KLHL32: variants seen among roughly 807,000 people sequenced by gnomAD.
KLHL32 encodes kelch like family member 32, also known as kelch-like protein 32.
Under a neutral mutation model 64.8 loss-of-function variants are expected in KLHL32, and 35 were observed. The observed-to-expected ratio is 0.54, with a 90% confidence interval of 0.41 to 0.72. KLHL32 has a LOEUF of 0.72. Among genes scored for constraint, KLHL32 ranks in the 30% least tolerant of loss-of-function variants. KLHL32 has a pLI of 0.00. For missense variants in KLHL32, 589 were observed against 768.5 expected (o/e 0.77, Z 2.76); for synonymous variants, 259 against 281.0 (o/e 0.92, Z 0.78).
chr6:96,972,903 A>G (rs1005527443), intron 2 of KLHL32, among the ~76,000 whole-genome samples: 13 of 152,212 alleles, frequency 8.5e-5, no homozygotes, highest in African/African-American at 3.1e-4. Flanking sequence ...GCTCCCTTCC[A>G]GCTATGTTCT....
chr6:96,961,737 G>C (rs943197745), intron 1 of KLHL32, among the ~76,000 whole-genome samples: 1 of 152,152 alleles, frequency 6.6e-6, no homozygotes, highest in Admixed American at 6.5e-5. Flanking sequence ...TTCTGCACAA[G>C]GGTAATTGAG....
intron 7 of KLHL32, among the ~76,000 whole-genome samples, chr6:97,122,612 C>T (rs1241214200): frequency 2.0e-5 from 3 of 151,900 alleles, no homozygotes; most frequent in Non-Finnish European, 2.9e-5. Flanking sequence ...AAATTGTAAG[C>T]GTGAAGTTAT....
intron 3 of KLHL32, among the ~76,000 whole-genome samples, chr6:97,008,697 C>T (rs1779979652): frequency 6.6e-6 from 1 of 152,064 alleles, no homozygotes; most frequent in South Asian, 2.1e-4. Context: ...CACTCCTTCC[C>T]CAGGAGACGC....
At chr6:97,099,998 A>G (rs1342653779) in intron 6 of KLHL32, among the ~76,000 whole-genome samples, 1 of 152,118 alleles carries the variant, frequency 6.6e-6, no homozygotes, top group Non-Finnish European at 1.5e-5. Context: ...TACAAAAATT[A>G]GCCAGGCGCG....
At chr6:96,941,080 T>G (rs1771222098) in intron 1 of KLHL32, among the ~76,000 whole-genome samples, 1 of 152,240 alleles carries the variant, frequency 6.6e-6, no homozygotes, top group Admixed American at 6.5e-5. Context: ...TAGCCTTTCT[T>G]AGCCATTATT....
chr6:97,019,089 T>C (rs1781632501), intron 3 of KLHL32, among the ~76,000 whole-genome samples: 1 of 152,178 alleles, frequency 6.6e-6, no homozygotes, highest in South Asian at 2.1e-4. Flanking sequence ...AAATTGATAA[T>C]CTAGCCTCCT....
chr6:96,979,998 G>A (rs953979899), intron 3 of KLHL32, among the ~76,000 whole-genome samples: 13 of 57,754 alleles, frequency 2.3e-4, no homozygotes, highest in South Asian at 5.7e-4. Context: ...ACTGATATTC[G>A]TACAATTGAT....
intron 3 of KLHL32, among the ~76,000 whole-genome samples, chr6:97,019,946 A>ATTTTT (rs59828741): frequency 7.0e-5 from 8 of 115,068 alleles, no homozygotes; most frequent in African/African-American, 2.0e-4. Context: ...CTCCCGGCGA[A>ATTTTT]TTTTTTTTTT....
chr6:97,049,286 A>G (rs1766532), intron 4 of KLHL32, among the ~76,000 whole-genome samples: 38,635 of 152,130 alleles, frequency 0.25, 6,282 homozygotes, highest in African/African-American at 0.45. Context: ...CCTTGGGGCC[A>G]TTATTAAGTA....
chr6:96,958,254 A>G (rs1562191888), intron 1 of KLHL32, among the ~76,000 whole-genome samples: 2 of 152,174 alleles, frequency 1.3e-5, no homozygotes, highest in African/African-American at 4.8e-5. Flanking sequence ...CCCCACCCCA[A>G]CAAGTAATTA....
At chr6:96,944,546 A>G (rs1285846191) in intron 1 of KLHL32, among the ~76,000 whole-genome samples, 1 of 152,192 alleles carries the variant, frequency 6.6e-6, no homozygotes, top group Non-Finnish European at 1.5e-5. Context: ...TGATGATGCT[A>G]TATATTCATA....
chr6:97,055,045 A>T (rs1028162715), intron 4 of KLHL32, among the ~76,000 whole-genome samples: 1 of 152,192 alleles, frequency 6.6e-6, no homozygotes, highest in Non-Finnish European at 1.5e-5. Flanking sequence ...GGCACTGGAG[A>T]AAGTCACTGT....
At chr6:97,025,211 A>C in intron 3 of KLHL32, 8 of 823,980 alleles carry the variant, frequency 9.7e-6, no homozygotes, top group Non-Finnish European at 1.2e-5. Context: ...CTTTGTAAAA[A>C]TCTGATTTGG....
chr6:97,031,828 G>A (rs1783599115), intron 3 of KLHL32, among the ~76,000 whole-genome samples: 1 of 152,182 alleles, frequency 6.6e-6, no homozygotes, highest in Non-Finnish European at 1.5e-5. Flanking sequence ...TATTTGAAAT[G>A]AATGGATTTA....
chr6:97,063,148 G>A lies in KLHL32; in HGVS notation c.313-1480G>A, dbSNP rs143865018. ...GGTTGATATTATTAAAACAGATAGT[G>A]TGAGTGGACAAAGGAGAAAGCAGTG... On this transcript the variant is annotated intron_variant, in intron 4 of 10. Coordinates refer to ENST00000369261, the MANE Select transcript of KLHL32 (RefSeq NM_052904.4). Among the ~76,000 whole-genome samples, 12 of 152,334 alleles carry A rather than the reference G, an allele frequency of 7.9e-5. No homozygotes were observed. In the East Asian group the frequency reaches 2.3e-3, roughly 29 times the overall value.
intron 6 of KLHL32, among the ~76,000 whole-genome samples, chr6:97,090,179 T>C (rs1394214984): frequency 6.6e-6 from 1 of 152,212 alleles, no homozygotes; most frequent in Non-Finnish European, 1.5e-5. Context: ...ATGTAGAGTT[T>C]CCATATTAAA....
chr6:96,965,546 G>T (rs1774358936), intron 1 of KLHL32, among the ~76,000 whole-genome samples: 1 of 152,126 alleles, frequency 6.6e-6, no homozygotes, highest in Non-Finnish European at 1.5e-5. Context: ...AAAAACACTG[G>T]ACTTTCAGAA....
chr6:97,127,314 C>A, intron 7 of KLHL32, 90 bp from the exon 8 acceptor site: 2 of 1,051,758 alleles, frequency 1.9e-6, no homozygotes, highest in Non-Finnish European at 3.0e-6. Context: ...TCAGCAGTAG[C>A]TAATTCTCCT....
intron 1 of KLHL32, among the ~76,000 whole-genome samples, chr6:96,951,139 A>T (rs1323439948): frequency 6.6e-6 from 1 of 152,024 alleles, no homozygotes; most frequent in East Asian, 1.9e-4. Flanking sequence ...ATAATGGAAA[A>T]ATATACATGG....
Sources: allele counts gnomAD v4.1 joint callset (sites outside exome capture counted in the v4.1 genomes callset), GRCh38; gene constraint gnomAD v4.1.1; transcripts MANE v1.5; gene names NCBI Gene and HGNC (gene_info 2026-07-23, HGNC 2026-07-21).